Variants in RMND5B observed in about 807,000 individuals in gnomAD.
RMND5B encodes the protein E3 ubiquitin-protein transferase RMND5B.
In RMND5B, 42 loss-of-function variants were observed where a neutral mutation model predicts 50.4. The observed-to-expected ratio is 0.83, with a 90% CI of 0.65 to 1.08. The LOEUF (loss-of-function observed/expected upper bound fraction) is 1.08, where lower values mean the gene tolerates loss of function less well. Among genes scored for constraint, RMND5B ranks in the 50% least tolerant of loss-of-function variants. The probability of loss-of-function intolerance (pLI) is 0.00; values close to 1 mark genes in which losing one functional copy is unlikely to be tolerated. For synonymous variants in RMND5B, 220 were observed against 210.0 expected (o/e 1.05, Z -0.41); for missense variants, 463 against 508.5 (o/e 0.91, Z 0.86).
At chr5:178,140,278 A>T (rs1325517272) in intron 3 of RMND5B, among the ~76,000 whole-genome samples, 2 of 151,658 alleles carry the variant, frequency 1.3e-5, no homozygotes, top group Non-Finnish European at 2.9e-5. Context: ...GGCTCAAGTG[A>T]TCCTACCACC....
In RMND5B at chr5:178,150,017, G is replaced by A. The variant is rs144320853; in HGVS notation, c.*1985G>A. 2.6e-4 allele frequency: 158 copies of A among 606,640 alleles called. 1 individual carries two copies. In the East Asian group the frequency reaches 5.1e-3, roughly 20 times the overall value. 37.6% of individuals were successfully genotyped at this position (606,640 alleles called of 1,614,324 possible). A position where few individuals can be genotyped will look rare whatever the true frequency, so the allele number is the denominator to read the frequency against. ...ATTTAAACTCAATCAGACTTTGAAGGCATGGTCCAGCCACACAGGGCCTAC... is the reference window on the plus strand; with the variant it reads ...ATTTAAACTCAATCAGACTTTGAAGACATGGTCCAGCCACACAGGGCCTAC... On this transcript the variant is annotated 3_prime_UTR_variant, in exon 11 of 11. Transcript: ENST00000313386.
chr5:178,149,436 T>G lies in RMND5B; in HGVS notation c.*1404T>G. ...GCTGGCCCAACCAGCAGCTGCTGCT[T>G]AAGAAAACACCCACAGACTCACCAC... is the stretch of plus-strand genomic sequence containing the variant. On this transcript the variant is annotated 3_prime_UTR_variant, in exon 11 of 11. Coordinates refer to ENST00000313386, the MANE Select transcript of RMND5B (RefSeq NM_022762.5). 1 of 396,252 alleles carries G rather than the reference T, an allele frequency of 2.5e-6. No homozygotes were observed. Among genetic ancestry groups the G allele is most frequent in the South Asian group, 2.3e-5 (1 of 44,334 alleles). 24.5% of individuals were successfully genotyped at this position (396,252 alleles called of 1,614,324 possible).
intron 3 of RMND5B, among the ~76,000 whole-genome samples, chr5:178,141,159 T>C (rs1029346535): frequency 1.3e-5 from 2 of 152,218 alleles, no homozygotes; most frequent in African/African-American, 4.8e-5. Context: ...CTGGTTCCTA[T>C]GTCTTTTTTA....
At position 178,138,155 on chromosome 5, in the gene RMND5B, C is replaced by T. The variant is rs1443037392; in HGVS notation, c.36C>T (p.Asp12=). 33 of 1,612,006 alleles carry T rather than the reference C, an allele frequency of 2.0e-5. No homozygotes were observed. Among genetic ancestry groups the T allele is most frequent in the African/African-American group, 6.7e-5 (5 of 75,000 alleles). ...EQCACVEREL[D]KVLQKFLTYG... is the part of the protein sequence containing the mutation. ...GTGCGTGCGTGGAGAGAGAGCTGGA[C>T]AAGGTCCTGCAGAAGTTCCTGACCT... is the stretch of plus-strand genomic sequence containing the variant. The change falls in exon 3 of 11, where the codon GAC becomes GAT. Residue 12 remains aspartate (D), a synonymous_variant. Transcript: ENST00000313386. This position sits in a 1 kb window ranked among gnomAD's most constrained non-coding sequence, Gnocchi z 5.1.
In RMND5B at chr5:178,149,463, T is replaced by G; in HGVS notation, c.*1431T>G. Reference sequence around the variant, plus strand: ...AGAAAACACCCACAGACTCACCACATTTTAGTCTTAGCATTTACTTTCCCC... The same window carrying G: ...AGAAAACACCCACAGACTCACCACAGTTTAGTCTTAGCATTTACTTTCCCC... On this transcript the variant is annotated 3_prime_UTR_variant, in exon 11 of 11. Coordinates refer to ENST00000313386, the MANE Select transcript of RMND5B (RefSeq NM_022762.5). 4.3e-6 allele frequency: 2 copies of G among 463,092 alleles called. No homozygotes were observed. The highest frequency in any genetic ancestry group is 4.0e-6 in the Non-Finnish European group (1 of 248,200). The allele number at this position is 463,092 out of a possible 1,614,324, so 28.7% of individuals were successfully genotyped here.
intron 10 of RMND5B, 36 bp downstream of exon 10, chr5:178,147,919 C>T (rs1561641819): frequency 1.2e-6 from 2 of 1,614,128 alleles, no homozygotes; most frequent in South Asian, 1.1e-5. Flanking sequence ...CTTGGCTTGG[C>T]TCTCCTACTG....
rs1222778900 is a variant in RMND5B at position 178,137,404 on chromosome 5, C to T, written c.-12-704C>T. On this transcript the variant is annotated intron_variant, in intron 2 of 10. Transcript: ENST00000313386. The surrounding 1 kb of genome is among the most constrained non-coding windows in gnomAD (Gnocchi z 4.4). ...GCCATAATAACTCTATGAAAATACA[C>T]GGGCCGGGCATGGTGGCTTATGCCT... 2.6e-5 allele frequency among the ~76,000 whole-genome samples: 4 copies of T among 152,110 alleles called. No individual in the cohort carries two copies. Among genetic ancestry groups the T allele is most frequent in the South Asian group, 2.1e-4 (1 of 4,820 alleles).
At position 178,148,151 on chromosome 5, in the gene RMND5B, T is replaced by TC; in HGVS notation, c.*121dup. On this transcript the variant is annotated 3_prime_UTR_variant, in exon 11 of 11. Coordinates refer to ENST00000313386, the MANE Select transcript of RMND5B (RefSeq NM_022762.5). ...GTTTCAGAGCGCCTGGCTGAGGAGTTCCACTGAGGGGAGCACTGGAGCAGC... is the reference window on the plus strand; with the variant it reads ...GTTTCAGAGCGCCTGGCTGAGGAGTTCCCACTGAGGGGAGCACTGGAGCAGC... 12 of 971,626 alleles carry TC rather than the reference T, an allele frequency of 1.2e-5. No homozygotes were observed. In the South Asian group the frequency reaches 1.7e-4, roughly 14 times the overall value. The allele number at this position is 971,626 out of a possible 1,614,324, so 60.2% of individuals were successfully genotyped here. A position where few individuals can be genotyped will look rare whatever the true frequency, so the allele number is the denominator to read the frequency against.
chr5:178,145,760 C>G (rs992342946), intron 7 of RMND5B, among the ~76,000 whole-genome samples: 6 of 152,182 alleles, frequency 3.9e-5, no homozygotes, highest in Admixed American at 3.9e-4. Flanking sequence ...AGCTCTTAAC[C>G]TGGGGTTGCT....
chr5:178,145,732 A>G (rs1341118865), intron 7 of RMND5B, among the ~76,000 whole-genome samples: 1 of 152,172 alleles, frequency 6.6e-6, no homozygotes, highest in Non-Finnish European at 1.5e-5. Context: ...TTTTAGCTAG[A>G]TACTGCTGCC....
Position 178,149,595 on chromosome 5 carries a change from G to A in RMND5B, c.*1563G>A. The A allele has an allele frequency of 7.4e-7, 1 of 1,345,666 alleles. No homozygotes were observed. Among genetic ancestry groups the A allele is most frequent in the Non-Finnish European group, 1.0e-6 (1 of 959,604 alleles). The allele number at this position is 1,345,666 out of a possible 1,614,324, so 83.4% of individuals were successfully genotyped here. A position where few individuals can be genotyped will look rare whatever the true frequency, so the allele number is the denominator to read the frequency against. On this transcript the variant is annotated 3_prime_UTR_variant, in exon 11 of 11. Coordinates refer to ENST00000313386, the MANE Select transcript of RMND5B (RefSeq NM_022762.5). ...GCTGTTAGAGCTGCCTGGGAAGAAG[G>A]CGTGCCTTGGGGAACTGGGAAGATG... is the stretch of plus-strand genomic sequence containing the variant.
At chr5:178,146,489 G>T in intron 8 of RMND5B, 1 of 541,674 alleles carries the variant, frequency 1.8e-6, no homozygotes, top group East Asian at 3.0e-5. Flanking sequence ...CATGAGGTCA[G>T]TGGCATGGTC....
At chr5:178,132,471 G>A (rs1465717923) in intron 2 of RMND5B, among the ~76,000 whole-genome samples, 2 of 151,922 alleles carry the variant, frequency 1.3e-5, no homozygotes, top group African/African-American at 4.8e-5. Context: ...TTAGCCAGGT[G>A]TGGTGGGGAG....
intron 5 of RMND5B, 112 bp downstream of exon 5, chr5:178,143,104 T>C: frequency 8.0e-7 from 1 of 1,256,474 alleles, no homozygotes; most frequent in Non-Finnish European, 1.1e-6. Context: ...CTAAAGGAAA[T>C]CAGCACCTCT....
chr5:178,145,549 A>T (rs1327611255), intron 7 of RMND5B, among the ~76,000 whole-genome samples: 8 of 151,322 alleles, frequency 5.3e-5, no homozygotes, highest in Non-Finnish European at 1.0e-4. Flanking sequence ...AGTGCCTGAC[A>T]CCACAACCAC....
intron 2 of RMND5B, among the ~76,000 whole-genome samples, chr5:178,134,016 A>G (rs1203743428): frequency 1.3e-5 from 2 of 152,320 alleles, no homozygotes; most frequent in Middle Eastern, 6.8e-3. Context: ...CCCTGCCCCA[A>G]TCAACAAATG....
Position 178,138,433 on chromosome 5 carries a change from C to G in RMND5B, c.139+175C>G. 1.5e-6 allele frequency: 2 copies of G among 1,376,036 alleles called. No individual in the cohort carries two copies. Among genetic ancestry groups the G allele is most frequent in the African/African-American group, 1.5e-5 (1 of 67,676 alleles). 85.2% of individuals were successfully genotyped at this position (1,376,036 alleles called of 1,614,324 possible). ...CTCTGAGCTACTTCAAAAAGCCCAA[C>G]AAATTATTAATTTACCTGAGATGAT... On this transcript the variant is annotated intron_variant, in intron 3 of 10. Coordinates refer to ENST00000313386, the MANE Select transcript of RMND5B (RefSeq NM_022762.5). This position sits in a 1 kb window ranked among gnomAD's most constrained non-coding sequence, Gnocchi z 5.1.
At chr5:178,143,304 A>T (rs1282136158) in intron 5 of RMND5B, among the ~76,000 whole-genome samples, 2 of 151,670 alleles carry the variant, frequency 1.3e-5, no homozygotes, top group Non-Finnish European at 2.9e-5. Context: ...AAAGTAAAAG[A>T]TTTTCCCTAC....
Position 178,146,211 on chromosome 5 carries a change from C to A in RMND5B, c.792C>A (p.Ile264=), listed in dbSNP as rs774193457. The A allele has an allele frequency of 1.2e-6, 2 of 1,614,210 alleles. No individual in the cohort carries two copies. Among genetic ancestry groups the A allele is most frequent in the East Asian group, 4.5e-5 (2 of 44,884 alleles). The change falls in exon 8 of 11, where the codon ATC becomes ATA. Residue 264 remains isoleucine (I), a synonymous_variant. Coordinates refer to ENST00000313386, the MANE Select transcript of RMND5B (RefSeq NM_022762.5). Reference sequence around the variant, plus strand: ...TGGACAGCAGCCACTGGGCAGAGATCTGTGAGACCTTTACCCGGGACGCCT... The same window carrying A: ...TGGACAGCAGCCACTGGGCAGAGATATGTGAGACCTTTACCCGGGACGCCT... ...HLLDSSHWAE[I]CETFTRDACS...
Sources: allele counts gnomAD v4.1 joint callset (sites outside exome capture counted in the v4.1 genomes callset), GRCh38; gene constraint gnomAD v4.1.1; non-coding constraint Gnocchi (gnomAD v3.1); transcripts MANE v1.5; gene names NCBI Gene and HGNC (gene_info 2026-07-23, HGNC 2026-07-21).